The following RGS6 variants were observed in gnomAD, a reference collection of about 807,000 sequenced individuals.
RGS6 encodes the protein regulator of G-protein signaling 6.
RGS6 carries 30 observed loss-of-function variants against 78.5 expected under a neutral mutation model. That is an observed-to-expected ratio of 0.38 (90% CI 0.29 to 0.52). The LOEUF is 0.52. Ranked by LOEUF, RGS6 falls within the 20% of genes least tolerant of loss-of-function variation. The pLI is 0.85. For missense variants in RGS6, 495 were observed against 609.7 expected (o/e 0.81, Z 1.98); for synonymous variants, 206 against 206.0 (o/e 1.00, Z 0.00).
intron 2 of RGS6, among the ~76,000 whole-genome samples, chr14:72,028,035 G>T (rs2090206571): frequency 6.6e-6 from 1 of 152,208 alleles, no homozygotes; most frequent in Non-Finnish European, 1.5e-5. Flanking sequence ...GCGTGTTTGT[G>T]CTGCTGGCCC....
intron 3 of RGS6, among the ~76,000 whole-genome samples, chr14:72,417,864 A>T (rs1320486239): frequency 1.3e-5 from 2 of 152,214 alleles, no homozygotes; most frequent in Non-Finnish European, 2.9e-5. Flanking sequence ...ACAAGAAGCA[A>T]CTGGACCACA....
chr14:72,323,220 A>C (rs2072607542), intron 2 of RGS6, among the ~76,000 whole-genome samples: 1 of 152,174 alleles, frequency 6.6e-6, no homozygotes, highest in Admixed American at 6.5e-5. Context: ...TACTCATGTT[A>C]ATCTTTCCAC....
intron 2 of RGS6, among the ~76,000 whole-genome samples, chr14:72,292,513 T>C (rs1017201315): frequency 1.3e-5 from 2 of 152,244 alleles, no homozygotes; most frequent in African/African-American, 4.8e-5. Flanking sequence ...GAGTTGGTCC[T>C]GATGACAAAA....
intron 2 of RGS6, among the ~76,000 whole-genome samples, chr14:71,982,580 G>A (rs1390640203): frequency 6.6e-6 from 1 of 151,946 alleles, no homozygotes; most frequent in Admixed American, 6.6e-5. Flanking sequence ...CAAAACCCTG[G>A]GTGCCCCTCC....
At chr14:72,389,543 C>T (rs866608607) in intron 3 of RGS6, among the ~76,000 whole-genome samples, 110 of 152,258 alleles carry the variant, frequency 7.2e-4, no homozygotes, top group African/African-American at 2.1e-3. Context: ...ACAGAGGCCC[C>T]GCCAGCATCA....
intron 3 of RGS6, among the ~76,000 whole-genome samples, chr14:72,434,700 CTAGAATA>C (rs1296955938): frequency 6.6e-6 from 1 of 152,068 alleles, no homozygotes; most frequent in African/African-American, 2.4e-5. Flanking sequence ...CAACATAGTC[CTAGAATA>C]TAGAAGGCCC....
chr14:72,611,673 G>T, the RGS6 span, among the ~76,000 whole-genome samples: 1 of 152,162 alleles, frequency 6.6e-6, no homozygotes, highest in Non-Finnish European at 1.5e-5. Context: ...CACACTCCAG[G>T]CCAGGTGACT....
intron 2 of RGS6, among the ~76,000 whole-genome samples, chr14:72,027,217 AAG>A (rs57652090): frequency 1.4e-4 from 21 of 148,780 alleles, no homozygotes; most frequent in Non-Finnish European, 2.1e-4. Flanking sequence ...CCTCTGCTTT[AAG>A]AGAGAGAGAG....
At chr14:72,106,256 A>C (rs1417551675) in intron 2 of RGS6, among the ~76,000 whole-genome samples, 4 of 152,218 alleles carry the variant, frequency 2.6e-5, no homozygotes, top group Non-Finnish European at 4.4e-5. Flanking sequence ...CAAACTACAC[A>C]AAATAAGCAT....
In RGS6 at chr14:72,395,327, T is replaced by A. The variant is rs369609795; in HGVS notation, c.184+43133T>A. On this transcript the variant is annotated intron_variant, in intron 3 of 17. Coordinates refer to ENST00000553525, the MANE Select transcript of RGS6 (RefSeq NM_001204424.2). Reference sequence around the variant, plus strand: ...AAGATTATGTAGGCATATATATGTGTGTGTATATACATATATATGGATACA... The same window carrying A: ...AAGATTATGTAGGCATATATATGTGAGTGTATATACATATATATGGATACA... 1.3e-4 allele frequency among the ~76,000 whole-genome samples: 20 copies of A among 152,276 alleles called. No individual in the cohort carries two copies. The East Asian group carries it at 3.7e-3, about 28-fold the overall frequency.
chr14:72,453,571 C>A (rs1382307858), intron 3 of RGS6, among the ~76,000 whole-genome samples: 4 of 142,406 alleles, frequency 2.8e-5, no homozygotes, highest in East Asian at 2.1e-4. Flanking sequence ...AGCCGAGATC[C>A]CGCCACTGCA....
At chr14:72,309,587 G>A (rs912505057) in intron 2 of RGS6, among the ~76,000 whole-genome samples, 1 of 152,162 alleles carries the variant, frequency 6.6e-6, no homozygotes. Flanking sequence ...TAATCCTCAG[G>A]CGATACTGTG....
chr14:71,887,410 A>G, the RGS6 span, among the ~76,000 whole-genome samples: 1 of 152,188 alleles, frequency 6.6e-6, no homozygotes, highest in African/African-American at 2.4e-5. Flanking sequence ...AAAAAGAGCC[A>G]TATTTTTCTT....
the RGS6 span, among the ~76,000 whole-genome samples, chr14:71,909,481 CAGAGAGAG>C: frequency 5.4e-5 from 8 of 147,272 alleles, no homozygotes; most frequent in East Asian, 1.4e-3. Context: ...TACACCTGCA[CAGAGAGAG>C]AGAGAGAGAG....
At chr14:72,478,611 T>C in intron 12 of RGS6, among the ~76,000 whole-genome samples, 1 of 152,200 alleles carries the variant, frequency 6.6e-6, no homozygotes, top group East Asian at 1.9e-4. Context: ...ATAATGCACC[T>C]TTGCCTTCAG....
rs145784607 is a variant in RGS6, at chr14:72,308,777, T to C, written c.85-43318T>C. Among the ~76,000 whole-genome samples the C allele has an allele frequency of 2.3e-4, 35 of 152,268 alleles. 1 individual carries two copies. In the East Asian group the frequency reaches 6.8e-3, roughly 29 times the overall value. On this transcript the variant is annotated intron_variant, in intron 2 of 17. Transcript: ENST00000553525. ...GCACTAGCCAAAAGGGGGTGCAATA[T>C]TTACCTTTAAATTATTATAGAGAGA...
chr14:72,106,171 C>G (rs1459004354), intron 2 of RGS6, among the ~76,000 whole-genome samples: 14 of 152,142 alleles, frequency 9.2e-5, no homozygotes, highest in African/African-American at 2.4e-5. Flanking sequence ...AACTTTTTTT[C>G]TAAGTTCTGT....
intron 12 of RGS6, among the ~76,000 whole-genome samples, chr14:72,494,258 G>A (rs866269598): frequency 1.8e-4 from 28 of 152,142 alleles, no homozygotes; most frequent in South Asian, 4.1e-4. Context: ...GTTTAATAAT[G>A]TTACACTGAC....
At chr14:72,037,535 G>A (rs1470322600) in intron 2 of RGS6, among the ~76,000 whole-genome samples, 1 of 152,154 alleles carries the variant, frequency 6.6e-6, no homozygotes, top group Non-Finnish European at 1.5e-5. Context: ...GTGAGACCAA[G>A]AACCTACCAG....
Sources: allele counts gnomAD v4.1 joint callset (sites outside exome capture counted in the v4.1 genomes callset), GRCh38; gene constraint gnomAD v4.1.1; transcripts MANE v1.5; gene names NCBI Gene and HGNC (gene_info 2026-07-23, HGNC 2026-07-21).